The following CNTN5 variants were observed in gnomAD, a reference collection of about 807,000 sequenced individuals.
The protein encoded by CNTN5 is contactin-5.
A neutral mutation model predicts 129.1 loss-of-function variants in CNTN5; 77 were observed. That is an observed-to-expected ratio of 0.60 (90% CI 0.50 to 0.72). CNTN5 has a LOEUF of 0.72. Ranked by LOEUF, CNTN5 falls within the 30% of genes least tolerant of loss-of-function variation. The pLI is 0.00. For synonymous variants in CNTN5, 509 were observed against 465.6 expected, an observed-to-expected ratio of 1.09 and a Z score of -1.20; for missense variants, 1,478 against 1,328.8, an observed-to-expected ratio of 1.11 and a Z score of -1.75.
chr11:99,209,494 A>C (rs900233798), intron 1 of CNTN5, among the ~76,000 whole-genome samples: 4 of 152,252 alleles, frequency 2.6e-5, no homozygotes, highest in African/African-American at 9.6e-5. Flanking sequence ...GAACAGAGAA[A>C]GAACTCACTC....
intron 3 of CNTN5, among the ~76,000 whole-genome samples, chr11:99,630,012 G>A (rs1951280559): frequency 6.6e-6 from 1 of 151,558 alleles, no homozygotes; most frequent in South Asian, 2.1e-4. Flanking sequence ...GATACGCATG[G>A]ATTTACACGG....
intron 2 of CNTN5, among the ~76,000 whole-genome samples, chr11:99,552,396 T>C (rs1480504563): frequency 1.3e-5 from 2 of 151,968 alleles, no homozygotes; most frequent in Admixed American, 6.6e-5. Context: ...GACATTCTAG[T>C]AGGAGAAAAA....
At chr11:99,862,978 C>A (rs1042482564) in intron 6 of CNTN5, among the ~76,000 whole-genome samples, 2 of 151,988 alleles carry the variant, frequency 1.3e-5, no homozygotes, top group African/African-American at 4.8e-5. Flanking sequence ...TTTGATTACA[C>A]TAAAAAGTAT....
chr11:99,596,448 C>T (rs1179853658), intron 3 of CNTN5, among the ~76,000 whole-genome samples: 1 of 152,118 alleles, frequency 6.6e-6, no homozygotes, highest in Non-Finnish European at 1.5e-5. Context: ...ATGTGAATCT[C>T]TTATTTAACA....
At chr11:100,229,027 T>G (rs1591414431) in intron 16 of CNTN5, among the ~76,000 whole-genome samples, 1 of 152,024 alleles carries the variant, frequency 6.6e-6, no homozygotes, top group African/African-American at 2.4e-5. Context: ...TTCGCAGATC[T>G]TGAACTACAC....
intron 3 of CNTN5, among the ~76,000 whole-genome samples, chr11:99,584,029 TA>T (rs1374379569): frequency 6.6e-6 from 1 of 152,224 alleles, no homozygotes; most frequent in Non-Finnish European, 1.5e-5. Flanking sequence ...GCCATCATTA[TA>T]AAATTAATCT....
chr11:99,367,519 T>C (rs1189653828), intron 2 of CNTN5, among the ~76,000 whole-genome samples: 3 of 152,130 alleles, frequency 2.0e-5, no homozygotes. Flanking sequence ...TTTTATGGGA[T>C]GCAATTTAGC....
intron 3 of CNTN5, among the ~76,000 whole-genome samples, chr11:99,590,808 G>A (rs998284801): frequency 2.6e-5 from 4 of 152,088 alleles, no homozygotes; most frequent in Non-Finnish European, 4.4e-5. Context: ...CCATGCTAGG[G>A]TTTATTCTGA....
At chr11:99,602,142 T>C (rs1950331391) in intron 3 of CNTN5, among the ~76,000 whole-genome samples, 1 of 152,134 alleles carries the variant, frequency 6.6e-6, no homozygotes. Flanking sequence ...TGTAGATTAC[T>C]GAAGAGGTGC....
intron 3 of CNTN5, among the ~76,000 whole-genome samples, chr11:99,582,158 C>G (rs1402580165): frequency 1.3e-5 from 2 of 152,196 alleles, no homozygotes; most frequent in African/African-American, 2.4e-5. Flanking sequence ...TTGGCCCCCA[C>G]TCTCTTCTTG....
At chr11:99,099,470 A>T (rs569928185) in intron 1 of CNTN5, among the ~76,000 whole-genome samples, 1 of 152,178 alleles carries the variant, frequency 6.6e-6, no homozygotes, top group South Asian at 2.1e-4. Context: ...ATAATGTTGC[A>T]AAAGAATAGT....
At chr11:100,333,418 A>AAC in intron 21 of CNTN5, among the ~76,000 whole-genome samples, 1 of 149,842 alleles carries the variant, frequency 6.7e-6, no homozygotes, top group Non-Finnish European at 1.5e-5. Context: ...GAAAAAAAAA[A>AAC]AAAAAAAAAA....
intron 2 of CNTN5, among the ~76,000 whole-genome samples, chr11:99,443,369 T>C (rs1050222147): frequency 6.6e-6 from 1 of 152,214 alleles, no homozygotes; most frequent in Non-Finnish European, 1.5e-5. Context: ...CCCAAATGAA[T>C]TGTTGTTATT....
chr11:99,759,753 CAGAG>C (rs769949625), intron 3 of CNTN5, among the ~76,000 whole-genome samples: 1 of 150,360 alleles, frequency 6.7e-6, no homozygotes, highest in Admixed American at 6.7e-5. Context: ...GGGAGGGAGG[CAGAG>C]AGAGAGCAAG....
At chr11:99,901,963 C>T (rs1047701467) in intron 6 of CNTN5, among the ~76,000 whole-genome samples, 1 of 152,080 alleles carries the variant, frequency 6.6e-6, no homozygotes, top group Non-Finnish European at 1.5e-5. Flanking sequence ...ATTCCTGTTA[C>T]ACAAGTAAGG....
At chr11:100,144,219 A>G (rs970783708) in intron 13 of CNTN5, among the ~76,000 whole-genome samples, 2 of 151,810 alleles carry the variant, frequency 1.3e-5, no homozygotes, top group African/African-American at 4.8e-5. Context: ...AAGTTTTTTT[A>G]TTTTATTTTT....
chr11:99,062,470 A>G (rs10790442), intron 1 of CNTN5, among the ~76,000 whole-genome samples: 70,095 of 151,902 alleles, frequency 0.46, 16,493 homozygotes, highest in Non-Finnish European at 0.48. Context: ...TATGATGTAT[A>G]GAGGAACACT....
chr11:100,232,732 A>G (rs1185866403), intron 16 of CNTN5, among the ~76,000 whole-genome samples: 2 of 152,186 alleles, frequency 1.3e-5, no homozygotes, highest in East Asian at 1.9e-4. Flanking sequence ...CTAGCTAAAC[A>G]TGAACAACTT....
intron 3 of CNTN5, among the ~76,000 whole-genome samples, chr11:99,617,209 C>G (rs1198950088): frequency 1.3e-5 from 2 of 152,176 alleles, no homozygotes; most frequent in Non-Finnish European, 2.9e-5. Context: ...GATATGCTAA[C>G]TAGTCTAATT....
Sources: allele counts gnomAD v4.1 joint callset (sites outside exome capture counted in the v4.1 genomes callset), GRCh38; gene constraint gnomAD v4.1.1; transcripts MANE v1.5; gene names NCBI Gene and HGNC (gene_info 2026-07-23, HGNC 2026-07-21).